Variants in RELN observed in about 807,000 individuals in gnomAD.
The protein encoded by RELN is reelin.
A neutral mutation model predicts 427.6 loss-of-function variants in RELN; 108 were observed. That is an observed-to-expected ratio of 0.25 (90% CI 0.22 to 0.30). RELN has a LOEUF of 0.30. Among genes scored for constraint, RELN ranks in the 10% least tolerant of loss-of-function variants. The probability of loss-of-function intolerance (pLI) is 1.00; values close to 1 mark genes in which losing one functional copy is unlikely to be tolerated. For missense variants in RELN, 3,715 were observed against 4,302.8 expected (o/e 0.86, Z 3.82); for synonymous variants, 1,524 against 1,513.4 (o/e 1.01, Z -0.16).
chr7:103,860,780 T>C lies in RELN; in HGVS notation c.338-27108A>G, dbSNP rs181928931. 1.2e-4 allele frequency among the ~76,000 whole-genome samples: 19 copies of C among 152,216 alleles called. 2 individuals are homozygous for C. The highest frequency in any genetic ancestry group is 2.6e-4 in the Admixed American group (4 of 15,290). On this transcript the variant is annotated intron_variant, in intron 2 of 64. Transcript: ENST00000428762. ...GAAAAACTAAAACTTAGCAATGTAT[T>C]ATCATCATCATCATCATCATTAAAA...
chr7:103,922,925 C>T (rs888454275), intron 1 of RELN, among the ~76,000 whole-genome samples: 4 of 151,862 alleles, frequency 2.6e-5, no homozygotes, highest in African/African-American at 7.3e-5. Flanking sequence ...AATGATGTTC[C>T]CATTTTTTTT....
intron 46 of RELN, among the ~76,000 whole-genome samples, chr7:103,534,005 CT>C (rs376724579): frequency 4.6e-5 from 7 of 152,184 alleles, no homozygotes; most frequent in African/African-American, 1.7e-4. Flanking sequence ...CTTGGCAACT[CT>C]GCTGACAGTT....
At chr7:103,562,251 T>C (rs967682042) in intron 34 of RELN, among the ~76,000 whole-genome samples, 1 of 152,246 alleles carries the variant, frequency 6.6e-6, no homozygotes, top group African/African-American at 2.4e-5. Flanking sequence ...ACTTGTTTTG[T>C]TTTTGAAATA....
intron 15 of RELN, among the ~76,000 whole-genome samples, chr7:103,651,459 G>A (rs1584377581): frequency 1.3e-5 from 2 of 152,026 alleles, no homozygotes; most frequent in African/African-American, 4.8e-5. Flanking sequence ...AAGAATGAAT[G>A]GCCTTACAAA....
At chr7:103,596,751 G>A in intron 24 of RELN, 90 bp from the exon 25 acceptor site, 1 of 1,095,334 alleles carries the variant, frequency 9.1e-7, no homozygotes, top group Non-Finnish European at 1.4e-6. Flanking sequence ...GGACATCTTA[G>A]CACTATGTGG....
intron 3 of RELN, among the ~76,000 whole-genome samples, chr7:103,778,446 C>T (rs1011607792): frequency 2.0e-5 from 3 of 152,144 alleles, no homozygotes; most frequent in Non-Finnish European, 4.4e-5. Context: ...TCTTCTGGTT[C>T]TAAGTATATA....
intron 4 of RELN, among the ~76,000 whole-genome samples, chr7:103,773,765 C>T (rs941146032): frequency 2.7e-4 from 41 of 151,978 alleles, no homozygotes; most frequent in African/African-American, 8.2e-4. Flanking sequence ...CCACTGCGCG[C>T]GGCCTCCTCT....
intron 7 of RELN, among the ~76,000 whole-genome samples, chr7:103,724,414 A>G (rs1790153596): frequency 6.6e-6 from 1 of 152,150 alleles, no homozygotes; most frequent in South Asian, 2.1e-4. Flanking sequence ...AAGATCAGAT[A>G]CATGTGAATA....
At chr7:103,644,452 A>G (rs915573473) in intron 16 of RELN, among the ~76,000 whole-genome samples, 1 of 150,570 alleles carries the variant, frequency 6.6e-6, no homozygotes, top group African/African-American at 2.4e-5. Flanking sequence ...CAAAACTTTT[A>G]GAAATGAAAA....
chr7:103,541,822 A>C (rs1334443814), intron 43 of RELN, among the ~76,000 whole-genome samples: 2 of 152,222 alleles, frequency 1.3e-5, no homozygotes, highest in Non-Finnish European at 2.9e-5. Context: ...TATATGCATT[A>C]AAGTGGGATA....
intron 14 of RELN, among the ~76,000 whole-genome samples, chr7:103,651,991 T>C (rs1832926613): frequency 1.3e-5 from 2 of 152,112 alleles, no homozygotes; most frequent in East Asian, 3.9e-4. Flanking sequence ...AAATTACTGC[T>C]ATAAACAAAC....
chr7:103,552,999 T>G (rs1358830003), intron 40 of RELN, among the ~76,000 whole-genome samples: 1 of 152,098 alleles, frequency 6.6e-6, no homozygotes, highest in Admixed American at 6.6e-5. Flanking sequence ...TGCATAAATA[T>G]TAATAAAATA....
Position 103,603,350 on chromosome 7 carries a change from T to C in RELN, c.3287A>G (p.Gln1096Arg), listed in dbSNP as rs780325204. Reference sequence around the variant, plus strand: ...TCCAGAAGAGATGACACCACACCCTTGTTCTGGTTTTACAATTTCTCCCCC... The same window carrying C: ...TCCAGAAGAGATGACACCACACCCTCGTTCTGGTTTTACAATTTCTCCCCC... ...VIGGEIVKPE[Q>R]GCGVISSGSS... is the part of the protein sequence containing the mutation. Residue 1096 changes from glutamine to arginine, a missense_variant, in exon 24 of 65, where the codon CAA becomes CGA. This residue lies in a region of RELN where 2,208 missense variants were observed against 2,361.7 expected (regional missense o/e 0.93). Transcript: ENST00000428762. This position sits in a 1 kb window ranked among gnomAD's most constrained non-coding sequence, Gnocchi z 4.3. The C allele has an allele frequency of 1.1e-5, 18 of 1,613,888 alleles. No homozygotes were observed. The highest frequency in any genetic ancestry group is 6.7e-5 in the Admixed American group (4 of 59,994).
In RELN at chr7:103,597,410, C is replaced by T. The variant is rs551888791; in HGVS notation, c.3334-749G>A. 1.0e-3 allele frequency among the ~76,000 whole-genome samples: 153 copies of T among 152,226 alleles called. 4 individuals carry two copies. Among genetic ancestry groups the T allele is most frequent in the Middle Eastern group, 3.4e-3 (1 of 294 alleles). ...CTGAGGTCAGGAGTTTGAGACCAGC[C>T]TGGCCAACATGGTGAAACCCTGTCT... is the stretch of plus-strand genomic sequence containing the variant. On this transcript the variant is annotated intron_variant, in intron 24 of 64. Transcript: ENST00000428762.
intron 11 of RELN, among the ~76,000 whole-genome samples, chr7:103,663,912 CT>C (rs200175566): frequency 0.04 from 6,072 of 152,226 alleles, 166 homozygotes; most frequent in East Asian, 0.14. Context: ...GAGGACTGAC[CT>C]CTATGGCCCC....
chr7:103,845,926 G>A (rs946091146), intron 2 of RELN, among the ~76,000 whole-genome samples: 2 of 152,046 alleles, frequency 1.3e-5, no homozygotes, highest in African/African-American at 4.8e-5. Context: ...AATCAATATC[G>A]TGAAAATAGC....
chr7:103,665,267 CCTCT>C (rs1302710829), intron 11 of RELN, among the ~76,000 whole-genome samples: 2 of 151,940 alleles, frequency 1.3e-5, no homozygotes, highest in African/African-American at 4.8e-5. Flanking sequence ...AATTAACTTG[CCTCT>C]CTTTTTTCCT....
intron 41 of RELN, among the ~76,000 whole-genome samples, chr7:103,546,264 G>A (rs1830295129): frequency 6.6e-6 from 1 of 152,138 alleles, no homozygotes; most frequent in East Asian, 1.9e-4. Context: ...TTTTGTGTCT[G>A]GCTTCATTCA....
At chr7:103,950,474 T>A (rs544501372) in intron 1 of RELN, among the ~76,000 whole-genome samples, 1 of 152,184 alleles carries the variant, frequency 6.6e-6, no homozygotes, top group Non-Finnish European at 1.5e-5. Context: ...TGCATTTAGT[T>A]ATCCAAAAAG....
Sources: allele counts gnomAD v4.1 joint callset (sites outside exome capture counted in the v4.1 genomes callset), GRCh38; gene constraint gnomAD v4.1.1; regional missense constraint gnomAD v4.1.1; non-coding constraint Gnocchi (gnomAD v3.1); transcripts MANE v1.5; gene names NCBI Gene and HGNC (gene_info 2026-07-23, HGNC 2026-07-21).